The following BACH1 variants were observed in gnomAD, a reference collection of about 807,000 sequenced individuals.
The protein encoded by BACH1 is transcription regulator protein BACH1.
A neutral mutation model predicts 52.9 loss-of-function variants in BACH1; 35 were observed. The observed-to-expected ratio is 0.66, with a 90% confidence interval of 0.51 to 0.88. BACH1 has a LOEUF of 0.88. Ranked by LOEUF, BACH1 falls within the 40% of genes least tolerant of loss-of-function variation. BACH1 has a pLI of 0.00. For synonymous variants in BACH1, 321 were observed against 319.6 expected (o/e 1.00, Z -0.05); for missense variants, 808 against 872.6 (o/e 0.93, Z 0.93).
chr21:29,338,745 T>C (rs1271004125), intron 4 of BACH1, among the ~76,000 whole-genome samples: 1 of 152,222 alleles, frequency 6.6e-6, no homozygotes, highest in Non-Finnish European at 1.5e-5. Flanking sequence ...TTAAAAAATA[T>C]ATACTCCAAA....
At position 29,342,734 on chromosome 21, in the gene BACH1, C is replaced by A; in HGVS notation, c.2112C>A (p.Ala704=). Residue 704 remains alanine (A), a synonymous_variant, in exon 5 of 5, where the codon GCC becomes GCA. Transcript: ENST00000286800. ...RGQESQQMST[A]TSEQAGPAEQ... ...AGGAGTCCCAGCAGATGTCCACAGC[C>A]ACCTCTGAGCAAGCTGGGCCTGCGG... The A allele has an allele frequency of 6.2e-7, 1 of 1,614,184 alleles. No individual in the cohort carries two copies. Among genetic ancestry groups the A allele is most frequent in the Non-Finnish European group, 8.5e-7 (1 of 1,180,042 alleles).
chr21:29,306,108 C>T (rs544635779), intron 1 of BACH1, among the ~76,000 whole-genome samples: 7 of 151,078 alleles, frequency 4.6e-5, no homozygotes, highest in Non-Finnish European at 8.8e-5. Context: ...ATTTGAGAAG[C>T]TTAGCTGTGA....
At chr21:29,303,777 C>T (rs2088626788) in intron 1 of BACH1, among the ~76,000 whole-genome samples, 1 of 152,158 alleles carries the variant, frequency 6.6e-6, no homozygotes, top group African/African-American at 2.4e-5. Context: ...TCCTCTAGAA[C>T]AGGTTCTTTG....
At chr21:29,325,362 C>T (rs1032995187) in intron 2 of BACH1, among the ~76,000 whole-genome samples, 20 of 152,180 alleles carry the variant, frequency 1.3e-4, no homozygotes, top group African/African-American at 4.6e-4. Context: ...ATTTGCCTCT[C>T]ACTTTAAGAG....
rs371081000 is a variant in BACH1, at chr21:29,326,442, A to G, written c.618A>G (p.Thr206=). The change falls in exon 3 of 5, where the codon ACA becomes ACG. Residue 206 remains threonine (T), a synonymous_variant. Coordinates refer to ENST00000286800, the MANE Select transcript of BACH1 (RefSeq NM_001186.4). The part of the protein sequence containing the change: ...SPPLQDSASQ[T]YESMCLEKDA... The stretch of plus-strand genomic sequence containing the variant: ...CTCTACAAGACAGTGCCAGTCAGAC[A>G]TATGAGTCCATGTGCTTAGAGAAGG... The G allele has an allele frequency of 2.5e-6, 4 of 1,614,228 alleles. No homozygotes were observed. The highest frequency in any genetic ancestry group is 4.5e-5 in the East Asian group (2 of 44,886).
chr21:29,337,320 T>G (rs2089056285), intron 4 of BACH1, among the ~76,000 whole-genome samples: 1 of 152,218 alleles, frequency 6.6e-6, no homozygotes. Context: ...TGGACAGAGC[T>G]AGGAAATATA....
At position 29,321,424 on chromosome 21, in the gene BACH1, C is replaced by G. The variant is rs547388326; in HGVS notation, c.144C>G (p.His48Gln). Residue 48 changes from histidine (H) to glutamine (Q), a missense_variant, in exon 2 of 5, where the codon CAC becomes CAG. Transcript: ENST00000286800. Reference sequence around the variant, plus strand: ...TGGAGGGACAGCGGTTCCGCGCTCACCGGTCCGTGCTGGCGGCATGCAGCA... The same window carrying G: ...TGGAGGGACAGCGGTTCCGCGCTCAGCGGTCCGTGCTGGCGGCATGCAGCA... ...IFVEGQRFRAHRSVLAACSSY... is the reference protein window; with the variant it reads ...IFVEGQRFRAQRSVLAACSSY... The G allele has an allele frequency of 6.2e-7, 1 of 1,614,208 alleles. No homozygotes were observed. The highest frequency in any genetic ancestry group is 8.5e-7 in the Non-Finnish European group (1 of 1,180,046).
chr21:29,302,124 A>C (rs1437343623), intron 1 of BACH1, among the ~76,000 whole-genome samples: 1 of 152,242 alleles, frequency 6.6e-6, no homozygotes, highest in Non-Finnish European at 1.5e-5. Flanking sequence ...TGTTCTGTTA[A>C]TGAGAGAATT....
Position 29,326,976 on chromosome 21 carries a change from T to C in BACH1, c.1152T>C (p.Ser384=). 2.5e-6 allele frequency: 4 copies of C among 1,614,186 alleles called. No homozygotes were observed. The change falls in exon 3 of 5, where the codon AGT becomes AGC. Residue 384 remains serine, a synonymous_variant. Coordinates refer to ENST00000286800, the MANE Select transcript of BACH1 (RefSeq NM_001186.4). ...GTREDSSVAS[S]DRSSVEREVA... The stretch of plus-strand genomic sequence containing the variant: ...GGGAAGATAGTAGTGTTGCATCTAG[T>C]GATAGGAGTAGTGTGGAGCGAGAAG...
At chr21:29,303,642 GAT>G (rs1462958158) in intron 1 of BACH1, among the ~76,000 whole-genome samples, 1 of 152,192 alleles carries the variant, frequency 6.6e-6, no homozygotes. Context: ...CATCTCCTAA[GAT>G]AGACATAAAA....
At chr21:29,346,985 G>A (rs1331147263), downstream of BACH1, among the ~76,000 whole-genome samples, 1 of 152,112 alleles carries the variant, frequency 6.6e-6, no homozygotes, top group Non-Finnish European at 1.5e-5. Context: ...TTCACCAGTG[G>A]GTGTCCCAGC....
At chr21:29,358,770 A>AAAGAAAGAAAGAAAG (rs768723075) in intron 2 of BACH1, among the ~76,000 whole-genome samples, 33 of 108,974 alleles carry the variant, frequency 3.0e-4, no homozygotes, top group African/African-American at 1.1e-3. Context: ...AAAAGAAAAG[A>AAAGAAAGAAAGAAAG]AAAGAAAGAA....
intron 4 of BACH1, among the ~76,000 whole-genome samples, chr21:29,337,539 T>A (rs1276048100): frequency 6.6e-6 from 1 of 152,234 alleles, no homozygotes. Flanking sequence ...ATTACATTAG[T>A]GTATTGTTTC....
chr21:29,342,709 A>G lies in BACH1; in HGVS notation c.2087A>G (p.Gln696Arg), dbSNP rs146551986. 3 of 1,614,126 alleles carry G rather than the reference A, an allele frequency of 1.9e-6. No homozygotes were observed. The highest frequency in any genetic ancestry group is 2.7e-5 in the African/African-American group (2 of 74,952). ...AGTGAGCCTGGCTACGCGCGAGGGC[A>G]GGAGTCCCAGCAGATGTCCACAGCC... ...GNSEPGYARG[Q>R]ESQQMSTATS... Residue 696 changes from glutamine to arginine, a missense_variant, in exon 5 of 5, where the codon CAG becomes CGG. Gln to Arg is a conservative substitution (Grantham distance 43, BLOSUM62 1). Coordinates refer to ENST00000286800, the MANE Select transcript of BACH1 (RefSeq NM_001186.4).
chr21:29,331,823 A>G (rs991537229), intron 4 of BACH1, among the ~76,000 whole-genome samples: 4 of 152,240 alleles, frequency 2.6e-5, no homozygotes, highest in African/African-American at 7.2e-5. Flanking sequence ...AATGCCTGGC[A>G]CGTAGTAACT....
At chr21:29,311,488 T>C (rs968737379) in intron 1 of BACH1, among the ~76,000 whole-genome samples, 3 of 84,732 alleles carry the variant, frequency 3.5e-5, no homozygotes, top group African/African-American at 1.5e-4. Context: ...CTAATTCTGC[T>C]TCAGAGTTAT....
At position 29,354,643 on chromosome 21, in the gene BACH1, T is replaced by C. The variant is rs368043096; in HGVS notation, c.472+24950T>C. Among the ~76,000 whole-genome samples, 251 of 152,326 alleles carry C rather than the reference T, an allele frequency of 1.6e-3. 2 individuals carry two copies. The highest frequency in any genetic ancestry group is 5.5e-3 in the African/African-American group (227 of 41,578). On this transcript the variant is annotated intron_variant, in intron 2 of 4. Transcript: ENST00000422809. The stretch of plus-strand genomic sequence containing the variant: ...CTTGAACAACAGAGTGGAAGATGTT[T>C]CTGTTCAATGCGATGGTGAACACGA...
In BACH1 at chr21:29,327,072, A is replaced by T. The variant is rs2088922059; in HGVS notation, c.1248A>T (p.Leu416Phe). ...CSTDTPCQMQ[L>F]SPAVAKDGSE... is the part of the protein sequence containing the mutation. ...CGGACACTCCTTGCCAAATGCAGTT[A>T]TCACCTGCTGTGGCCAAAGATGGCT... The change falls in exon 3 of 5, where the codon TTA (leucine) becomes TTT (phenylalanine). Residue 416 changes from leucine (L) to phenylalanine (F), a missense_variant. Coordinates refer to ENST00000286800, the MANE Select transcript of BACH1 (RefSeq NM_001186.4). The T allele has an allele frequency of 1.6e-5, 26 of 1,614,238 alleles. No homozygotes were observed. Among genetic ancestry groups the T allele is most frequent in the Non-Finnish European group, 2.2e-5 (26 of 1,180,048 alleles).
At chr21:29,328,786 G>A (rs2088946869) in intron 3 of BACH1, among the ~76,000 whole-genome samples, 1 of 152,098 alleles carries the variant, frequency 6.6e-6, no homozygotes. Context: ...TCGTATAAGT[G>A]AAATCATGTT....
Sources: allele counts gnomAD v4.1 joint callset (sites outside exome capture counted in the v4.1 genomes callset), GRCh38; gene constraint gnomAD v4.1.1; transcripts MANE v1.5; gene names NCBI Gene and HGNC (gene_info 2026-07-23, HGNC 2026-07-21).